The following NTAQ1 variants were observed in gnomAD, a reference collection of about 807,000 sequenced individuals.
The protein encoded by NTAQ1 is N-terminal glutamine amidase 1.
A neutral mutation model predicts 28.2 loss-of-function variants in NTAQ1; 21 were observed. The ratio of observed to expected loss-of-function variants is 0.74; its 90% CI spans 0.53 to 1.07. The LOEUF (loss-of-function observed/expected upper bound fraction) is 1.07, where lower values mean the gene tolerates loss of function less well. NTAQ1 is among the 50% of genes least tolerant of loss of function. NTAQ1 has a pLI of 0.00. For missense variants in NTAQ1, 264 were observed against 256.6 expected (o/e 1.03, Z -0.20); for synonymous variants, 105 against 90.0 (o/e 1.17, Z -0.94).
downstream of NTAQ1, among the ~76,000 whole-genome samples, chr8:123,473,169 A>G (rs1010038604): frequency 2.6e-5 from 4 of 152,204 alleles, no homozygotes; most frequent in African/African-American, 9.6e-5. Context: ...CACAAAATCA[A>G]TGTGTAAGAA....
At chr8:123,443,919 CT>C (rs1422062973), downstream of NTAQ1, among the ~76,000 whole-genome samples, 1 of 152,124 alleles carries the variant, frequency 6.6e-6, no homozygotes, top group Non-Finnish European at 1.5e-5. Flanking sequence ...TTCTCTTCAG[CT>C]TGTGCGAGCT....
intron 5 of NTAQ1, among the ~76,000 whole-genome samples, chr8:123,438,936 T>C (rs921960043): frequency 1.1e-4 from 17 of 152,178 alleles, no homozygotes; most frequent in African/African-American, 4.1e-4. Context: ...TATGGCAACC[T>C]GCTCTACAGG....
exon 7 of NTAQ1, among the ~76,000 whole-genome samples, chr8:123,468,887 C>T (rs1327367548): frequency 2.6e-5 from 4 of 152,056 alleles, no homozygotes; most frequent in Admixed American, 6.6e-5. Flanking sequence ...TATACAGTCT[C>T]CCTTCTTTCT....
At position 123,420,351 on chromosome 8, in the gene NTAQ1, GC is replaced by G. The variant is rs558792319; in HGVS notation, c.83+3420del. 6.6e-3 allele frequency among the ~76,000 whole-genome samples: 1,003 copies of G among 152,194 alleles called. 6 individuals carry two copies. Among genetic ancestry groups the G allele is most frequent in the Non-Finnish European group, 9.7e-3 (658 of 68,030 alleles). On this transcript the variant is annotated intron_variant, in intron 1 of 5. Transcript: ENST00000287387. ...GTGCCTAGGTTGATTCTACATCTTT[GC>G]TATCATGAATAGTGCTGTGATGAAC... is the stretch of plus-strand genomic sequence containing the variant.
chr8:123,434,447 T>C (rs1336149304), intron 3 of NTAQ1, among the ~76,000 whole-genome samples: 1 of 151,962 alleles, frequency 6.6e-6, no homozygotes, highest in Admixed American at 6.6e-5. Context: ...GTCAACATGG[T>C]GAAACCCCAT....
At chr8:123,450,083 C>A (rs768830346), downstream of NTAQ1, among the ~76,000 whole-genome samples, 1 of 149,370 alleles carries the variant, frequency 6.7e-6, no homozygotes, top group Non-Finnish European at 1.5e-5. Flanking sequence ...TCTATGATAT[C>A]ATTGAGAGAA....
Position 123,441,538 on chromosome 8 carries a change from A to G in NTAQ1, c.*123A>G. 1 of 783,280 alleles carries G rather than the reference A, an allele frequency of 1.3e-6. No individual in the cohort carries two copies. Among genetic ancestry groups the G allele is most frequent in the Non-Finnish European group, 2.1e-6 (1 of 479,060 alleles). 48.5% of individuals were successfully genotyped at this position (783,280 alleles called of 1,614,324 possible). On this transcript the variant is annotated 3_prime_UTR_variant, in exon 6 of 6. Transcript: ENST00000287387. ...AATTATGTCTTTCTCTTTTAATTTG[A>G]TTGAGTGGAAATCTGAGTGAATACA...
rs374276105 is a variant in NTAQ1, at chr8:123,437,183, T to C, written c.384-27T>C. The stretch of plus-strand genomic sequence containing the variant: ...AATTTCAAACATGACATCTCCCTAA[T>C]GTGAGTGTATATTGATTTTTCTGCA... On this transcript the variant is annotated intron_variant, in intron 4 of 5. Coordinates refer to ENST00000287387, the MANE Select transcript of NTAQ1 (RefSeq NM_018024.3). 1.2e-5 allele frequency: 20 copies of C among 1,612,616 alleles called. No individual in the cohort carries two copies. In the African/African-American group the frequency reaches 2.5e-4, roughly 20 times the overall value.
At chr8:123,446,074 A>G (rs186117630), downstream of NTAQ1, among the ~76,000 whole-genome samples, 169 of 148,682 alleles carry the variant, frequency 1.1e-3, no homozygotes, top group South Asian at 0.015. Flanking sequence ...GCTCACTGCA[A>G]CCTCCGCCTC....
chr8:123,455,794 G>C (rs184417635), intron 6 of NTAQ1, among the ~76,000 whole-genome samples: 113 of 152,222 alleles, frequency 7.4e-4, no homozygotes, highest in African/African-American at 2.5e-3. Context: ...GGTGTTCTGG[G>C]ACCATGTATC....
chr8:123,443,733 C>T (rs1815165816), downstream of NTAQ1, among the ~76,000 whole-genome samples: 1 of 152,168 alleles, frequency 6.6e-6, no homozygotes, highest in South Asian at 2.1e-4. Flanking sequence ...CCACAGTGCC[C>T]AGCTAATTTT....
chr8:123,436,406 C>T, intron 3 of NTAQ1, 47 bp from the exon 4 acceptor site: 2 of 1,588,848 alleles, frequency 1.3e-6, no homozygotes, highest in Non-Finnish European at 1.7e-6. Context: ...ACTGGGATTT[C>T]ATCATTATGA....
At chr8:123,425,388 G>A (rs1039116462) in intron 1 of NTAQ1, among the ~76,000 whole-genome samples, 8 of 151,832 alleles carry the variant, frequency 5.3e-5, no homozygotes, top group South Asian at 2.1e-4. Flanking sequence ...CACCATGCCC[G>A]GCCCAGTCAG....
At chr8:123,437,086 C>G in intron 4 of NTAQ1, 124 bp from the exon 5 acceptor site, 1 of 1,299,328 alleles carries the variant, frequency 7.7e-7, no homozygotes, top group Non-Finnish European at 1.1e-6. Flanking sequence ...GCCTGTATTA[C>G]TAACCATACA....
Position 123,437,291 on chromosome 8 carries a change from T to C in NTAQ1, c.465T>C (p.Asn155=). The C allele has an allele frequency of 6.2e-7, 1 of 1,614,092 alleles. No individual in the cohort carries two copies. Among genetic ancestry groups the C allele is most frequent in the Non-Finnish European group, 8.5e-7 (1 of 1,180,002 alleles). ...DRSHMKDSSG[N]WREPPPPYPC... ...CTCACATGAAAGACTCCAGTGGGAA[T>C]TGGAGAGAGCCTCCGCCGCCATATC... The change falls in exon 5 of 6, where the codon AAT becomes AAC. Residue 155 remains asparagine, a synonymous_variant. Coordinates refer to ENST00000287387, the MANE Select transcript of NTAQ1 (RefSeq NM_018024.3).
chr8:123,459,392 A>G (rs948944281), intron 6 of NTAQ1, among the ~76,000 whole-genome samples: 4 of 152,020 alleles, frequency 2.6e-5, no homozygotes, highest in Non-Finnish European at 5.9e-5. Context: ...AGCTCTCTGA[A>G]CCCCATAGTT....
Position 123,416,898 on chromosome 8 carries a change from C to G in NTAQ1, c.49C>G (p.Pro17Ala), listed in dbSNP as rs1813327820. ...TGTCCACTACCAGCCGGCCAGCCCC[C>G]CGCGGGACGCCTGCGTCTACAGCAG... ...AAVHYQPASP[P>A]RDACVYSSCY... The change falls in exon 1 of 6, where the codon CCG (proline) becomes GCG (alanine). Residue 17 changes from proline (P) to alanine (A), a missense_variant. Coordinates refer to ENST00000287387, the MANE Select transcript of NTAQ1 (RefSeq NM_018024.3). 1 of 1,526,430 alleles carries G rather than the reference C, an allele frequency of 6.6e-7. No individual in the cohort carries two copies. The highest frequency in any genetic ancestry group is 8.8e-7 in the Non-Finnish European group (1 of 1,137,772). The allele number at this position is 1,526,430 out of a possible 1,614,324, so 94.6% of individuals were successfully genotyped here. A position where few individuals can be genotyped will look rare whatever the true frequency, so the allele number is the denominator to read the frequency against.
intron 1 of NTAQ1, among the ~76,000 whole-genome samples, chr8:123,421,864 A>G (rs1446363246): frequency 6.7e-6 from 1 of 149,688 alleles, no homozygotes; most frequent in African/African-American, 2.5e-5. Flanking sequence ...AATTTTTTGT[A>G]TTTTTTTTTA....
chr8:123,470,062 A>G (rs1230901247), downstream of NTAQ1, among the ~76,000 whole-genome samples: 2 of 151,652 alleles, frequency 1.3e-5, no homozygotes. Flanking sequence ...TAGTGGCCTT[A>G]TAAGAAAAGA....
Sources: gnomAD v4.1 joint callset for allele counts (sites outside exome capture counted in the v4.1 genomes callset) on GRCh38, gnomAD v4.1.1 for gene constraint, MANE v1.5 for transcripts, NCBI Gene and HGNC (gene_info 2026-07-23, HGNC 2026-07-21) for gene names.